Variants in PIAS2 observed in about 807,000 individuals in gnomAD.
The protein encoded by PIAS2 is protein inhibitor of activated STAT 2, also known as E3 SUMO-protein ligase PIAS2.
A neutral mutation model predicts 69.7 loss-of-function variants in PIAS2; 19 were observed. That is an observed-to-expected ratio of 0.27 (90% CI 0.19 to 0.40). The LOEUF is 0.40. PIAS2 is among the 10% of genes least tolerant of loss of function. The pLI is 1.00. For synonymous variants in PIAS2, 261 were observed against 263.2 expected (o/e 0.99, Z 0.08); for missense variants, 624 against 757.0 (o/e 0.82, Z 2.06).
At chr18:46,854,073 C>CT (rs1246761754) in intron 5 of PIAS2, among the ~76,000 whole-genome samples, 3 of 152,216 alleles carry the variant, frequency 2.0e-5, no homozygotes, top group Non-Finnish European at 4.4e-5. Context: ...TCTCAGGTCT[C>CT]TAAGTCCACA....
intron 1 of PIAS2, among the ~76,000 whole-genome samples, chr18:46,894,965 C>A (rs2054612806): frequency 6.6e-6 from 1 of 151,470 alleles, no homozygotes; most frequent in South Asian, 2.1e-4. Context: ...CCCAGCTACT[C>A]AGGAGGATGA....
chr18:46,895,074 G>A (rs2054634609), intron 1 of PIAS2, among the ~76,000 whole-genome samples: 4 of 143,514 alleles, frequency 2.8e-5, no homozygotes, highest in Admixed American at 6.9e-5. Flanking sequence ...ACTCCATCTC[G>A]GAAAAAAAAA....
chr18:46,915,737 T>C (rs1305424860), intron 1 of PIAS2: 1 of 152,062 alleles, frequency 6.6e-6, no homozygotes, highest in Non-Finnish European at 1.5e-5. Context: ...ACATTAAGCT[T>C]TGGCCAACAA....
chr18:46,819,679 A>G (rs2041956196), intron 12 of PIAS2, among the ~76,000 whole-genome samples: 1 of 152,156 alleles, frequency 6.6e-6, no homozygotes, highest in Admixed American at 6.6e-5. Flanking sequence ...AACTTCATAA[A>G]CCTAGAGAAG....
At chr18:46,877,825 C>T (rs966750635) in intron 2 of PIAS2, among the ~76,000 whole-genome samples, 2 of 152,156 alleles carry the variant, frequency 1.3e-5, no homozygotes, top group African/African-American at 2.4e-5. Flanking sequence ...AGAAATCCTT[C>T]GTTTGAGTAC....
At chr18:46,836,143 C>T (rs540808195) in intron 9 of PIAS2, 184 of 389,458 alleles carry the variant, frequency 4.7e-4, no homozygotes, top group East Asian at 7.9e-4. Context: ...TTGCCCTCAA[C>T]GCAAATCATA....
At chr18:46,836,300 G>A (rs890818439) in intron 9 of PIAS2, 57 bp downstream of exon 9, 33 of 1,305,970 alleles carry the variant, frequency 2.5e-5, no homozygotes, top group Non-Finnish European at 4.4e-6. Context: ...GTGAACAAAG[G>A]CATTGCCAAC....
chr18:46,849,867 C>A (rs1033451572), intron 5 of PIAS2, among the ~76,000 whole-genome samples: 2 of 152,144 alleles, frequency 1.3e-5, no homozygotes, highest in Non-Finnish European at 2.9e-5. Flanking sequence ...AAAACACACA[C>A]ACCACAAAAA....
At chr18:46,897,012 C>T (rs979198506) in intron 1 of PIAS2, among the ~76,000 whole-genome samples, 9 of 152,234 alleles carry the variant, frequency 5.9e-5, no homozygotes, top group Admixed American at 5.9e-4. Context: ...AGTTGATTAA[C>T]TTCTGAAGCT....
chr18:46,855,299 TTATA>T, intron 5 of PIAS2, 42 bp downstream of exon 5: 1 of 1,213,664 alleles, frequency 8.2e-7, no homozygotes, highest in South Asian at 1.3e-5. Flanking sequence ...TTGTCAGTGT[TTATA>T]TTAAACTTAT....
chr18:46,908,934 TG>T (rs1371420552), intron 1 of PIAS2, among the ~76,000 whole-genome samples: 1 of 151,976 alleles, frequency 6.6e-6, no homozygotes, highest in African/African-American at 2.4e-5. Flanking sequence ...TCTTGAACCT[TG>T]GGGGTGGAGG....
chr18:46,878,854 G>C (rs1312684646), intron 2 of PIAS2, among the ~76,000 whole-genome samples: 1 of 152,206 alleles, frequency 6.6e-6, no homozygotes. Context: ...GGCAACCAGA[G>C]CAAGACTCCG....
intron 1 of PIAS2, among the ~76,000 whole-genome samples, chr18:46,906,992 C>T (rs1358463333): frequency 6.6e-6 from 1 of 152,020 alleles, no homozygotes; most frequent in Non-Finnish European, 1.5e-5. Context: ...ATGCAGGAGG[C>T]ACTACAAAGG....
At position 46,806,935 on chromosome 18, in the gene PIAS2, A is replaced by G. The variant is rs2040714520; in HGVS notation, c.*5498T>C. Reference sequence around the variant, plus strand: ...AAATGATTGTGCTACGCCAATCAAGAAAATGTTGTACCTCAAACATCTGAA... The same window carrying G: ...AAATGATTGTGCTACGCCAATCAAGGAAATGTTGTACCTCAAACATCTGAA... On this transcript the variant is annotated 3_prime_UTR_variant, in exon 14 of 14. Transcript: ENST00000585916. 1 of 152,200 alleles carries G rather than the reference A, an allele frequency of 6.6e-6. No homozygotes were observed. The highest frequency in any genetic ancestry group is 1.5e-5 in the Non-Finnish European group (1 of 68,048). 9.4% of individuals were successfully genotyped at this position (152,200 alleles called of 1,614,324 possible). A position where few individuals can be genotyped will look rare whatever the true frequency, so the allele number is the denominator to read the frequency against.
Position 46,804,127 on chromosome 18 carries a change from A to G in PIAS2, c.*8306T>C, listed in dbSNP as rs1183109838. 6.6e-6 allele frequency: 1 copy of G among 152,174 alleles called. No homozygotes were observed. Among genetic ancestry groups the G allele is most frequent in the African/African-American group, 2.4e-5 (1 of 41,424 alleles). 9.4% of individuals were successfully genotyped at this position (152,174 alleles called of 1,614,324 possible). A position where few individuals can be genotyped will look rare whatever the true frequency, so the allele number is the denominator to read the frequency against. On this transcript the variant is annotated 3_prime_UTR_variant, in exon 14 of 14. Transcript: ENST00000585916. Reference sequence around the variant, plus strand: ...TTATCCACCATTTCTTCATCCACCAATATTTACTGGGCACCTTCTATGTAG... The same window carrying G: ...TTATCCACCATTTCTTCATCCACCAGTATTTACTGGGCACCTTCTATGTAG...
At chr18:46,916,617 T>C (rs1415435009) in intron 1 of PIAS2, among the ~76,000 whole-genome samples, 1 of 152,208 alleles carries the variant, frequency 6.6e-6, no homozygotes, top group African/African-American at 2.4e-5. Context: ...GTTATGATCT[T>C]GTTTTAAGAC....
Position 46,805,283 on chromosome 18 carries a change from CG to C in PIAS2, c.*7149del, listed in dbSNP as rs1568307728. On this transcript the variant is annotated 3_prime_UTR_variant, in exon 14 of 14. Coordinates refer to ENST00000585916, the MANE Select transcript of PIAS2 (RefSeq NM_004671.5). ...AAGTAGCAAAGAGGAAAACAGAAAG[CG>C]TGGTTCAGTAGACGAAAATGCTGGA... The C allele has an allele frequency of 6.6e-6, 1 of 152,150 alleles. No individual in the cohort carries two copies. Among genetic ancestry groups the C allele is most frequent in the African/African-American group, 2.4e-5 (1 of 41,410 alleles). 9.4% of individuals were successfully genotyped at this position (152,150 alleles called of 1,614,324 possible). A position where few individuals can be genotyped will look rare whatever the true frequency, so the allele number is the denominator to read the frequency against.
In PIAS2 at chr18:46,821,169, A is replaced by G. The variant is rs2042132796; in HGVS notation, c.1509-97T>C. 7 of 1,237,796 alleles carry G rather than the reference A, an allele frequency of 5.7e-6. No individual in the cohort carries two copies. In the Admixed American group the frequency reaches 9.1e-5, roughly 16 times the overall value. 76.7% of individuals were successfully genotyped at this position (1,237,796 alleles called of 1,614,324 possible). A position where few individuals can be genotyped will look rare whatever the true frequency, so the allele number is the denominator to read the frequency against. On this transcript the variant is annotated intron_variant, in intron 11 of 13. Coordinates refer to ENST00000585916, the MANE Select transcript of PIAS2 (RefSeq NM_004671.5). ...GGGCATTCTCAGTCGTTCGTTCACC[A>G]GTTTCAGCACAACTATATGGCAGCT...
intron 2 of PIAS2, among the ~76,000 whole-genome samples, chr18:46,878,989 G>A (rs935167136): frequency 6.6e-6 from 1 of 152,208 alleles, no homozygotes; most frequent in Non-Finnish European, 1.5e-5. Flanking sequence ...GAGTTTTGTG[G>A]ATTAAAATGG....
Sources: allele counts gnomAD v4.1 joint callset (sites outside exome capture counted in the v4.1 genomes callset), GRCh38; gene constraint gnomAD v4.1.1; transcripts MANE v1.5; gene names NCBI Gene and HGNC (gene_info 2026-07-23, HGNC 2026-07-21).